Variants in CEP192 observed in about 807,000 individuals in gnomAD.
The protein encoded by CEP192 is centrosomal protein of 192 kDa.
CEP192 carries 151 observed loss-of-function variants against 271.8 expected under a neutral mutation model. The observed-to-expected ratio is 0.56, with a 90% CI of 0.49 to 0.64. CEP192 has a LOEUF of 0.64. CEP192 is among the 30% of genes least tolerant of loss of function. The probability of loss-of-function intolerance (pLI) is 0.00; values close to 1 mark genes in which losing one functional copy is unlikely to be tolerated. For missense variants in CEP192, 2,910 were observed against 3,020.5 expected (o/e 0.96, Z 0.86); for synonymous variants, 995 against 1,076.5 (o/e 0.92, Z 1.48).
At chr18:12,997,467 A>G (rs907203907) in intron 1 of CEP192, among the ~76,000 whole-genome samples, 5 of 152,202 alleles carry the variant, frequency 3.3e-5, no homozygotes, top group African/African-American at 1.2e-4. Flanking sequence ...CTTACTTTCC[A>G]AGGAAAAAAT....
rs1416864670 is a variant in CEP192, at chr18:13,068,955, A to G, written c.4926A>G (p.Ala1642=). 6.2e-7 allele frequency: 1 copy of G among 1,614,218 alleles called. No homozygotes were observed. Among genetic ancestry groups the G allele is most frequent in the Non-Finnish European group, 8.5e-7 (1 of 1,180,030 alleles). The change falls in exon 25 of 45, where the codon GCA becomes GCG. Residue 1642 remains alanine (A), a synonymous_variant. Transcript: ENST00000506447. The stretch of plus-strand genomic sequence containing the variant: ...GAAGTGTGAGTCTCCGAGCAAGAGC[A>G]GGAATAGCTAGGATCCATGCTCCCA... ...VLRSVSLRAR[A]GIARIHAPRD... is the part of the protein sequence containing the mutation.
intron 7 of CEP192, 99 bp from the exon 8 acceptor site, chr18:13,018,381 A>G: frequency 4.4e-6 from 3 of 689,146 alleles, no homozygotes; most frequent in Admixed American, 3.4e-5. Flanking sequence ...TTCCTTCTAC[A>G]CTTATTTTCT....
chr18:13,072,225 C>T (rs553580633), intron 28 of CEP192, among the ~76,000 whole-genome samples: 21 of 152,296 alleles, frequency 1.4e-4, no homozygotes, highest in Admixed American at 1.0e-3. Context: ...ATAGTTTCCA[C>T]AATTGAAGTG....
intron 40 of CEP192, among the ~76,000 whole-genome samples, chr18:13,107,693 T>C (rs1320691769): frequency 4.6e-5 from 7 of 152,200 alleles, no homozygotes; most frequent in Non-Finnish European, 1.0e-4. Flanking sequence ...CTATTCTGAA[T>C]GACAAGGACT....
chr18:13,019,003 T>G, intron 8 of CEP192, 79 bp from the exon 9 acceptor site: 1 of 1,338,740 alleles, frequency 7.5e-7, no homozygotes, highest in Non-Finnish European at 1.0e-6. Context: ...TAAAATAATT[T>G]GACTGGCAAG....
chr18:13,086,407 C>A (rs1297377610), intron 30 of CEP192, among the ~76,000 whole-genome samples: 2 of 152,192 alleles, frequency 1.3e-5, no homozygotes, highest in African/African-American at 4.8e-5. Context: ...GCCAAAACTT[C>A]CAATACTGTG....
Position 13,030,495 on chromosome 18 carries a change from A to G in CEP192, c.1421A>G (p.Gln474Arg). 5 of 1,611,608 alleles carry G rather than the reference A, an allele frequency of 3.1e-6. No homozygotes were observed. Among genetic ancestry groups the G allele is most frequent in the Non-Finnish European group, 4.2e-6 (5 of 1,178,814 alleles). ...GATCTCCCACAGAGTGTGGTCTATC[A>G]AAATGAAGAGGGTAGGTGGGTCACA... ...KTDLPQSVVY[Q>R]NEEGRWVTDL... The change falls in exon 11 of 45, where the codon CAA becomes CGA. Residue 474 changes from glutamine to arginine, a missense_variant. Transcript: ENST00000506447.
chr18:13,067,814 C>CT lies in CEP192; in HGVS notation c.4489-10dup. On this transcript the variant is annotated splice_polypyrimidine_tract_variant and intron_variant, in intron 21 of 44. Coordinates refer to ENST00000506447, the MANE Select transcript of CEP192 (RefSeq NM_032142.4). ...TATATTGCTTTTCATAAATCATTCC[C>CT]TTTTTTTGATAATTAGGTAGAAACA... is the stretch of plus-strand genomic sequence containing the variant. 4.4e-6 allele frequency: 7 copies of CT among 1,593,348 alleles called. No homozygotes were observed. The highest frequency in any genetic ancestry group is 1.1e-5 in the South Asian group (1 of 90,242).
Position 13,099,564 on chromosome 18 carries a change from T to G in CEP192, c.6646T>G (p.Cys2216Gly). 1 of 1,565,564 alleles carries G rather than the reference T, an allele frequency of 6.4e-7. No individual in the cohort carries two copies. ...GTGGAGTGGTTTGATCTATATACAC[T>G]GTGACGATGGACAGAAGGTACTTTT... ...FPWSGLIYIH[C>G]DDGQKKIVKV... The change falls in exon 37 of 45, where the codon TGT becomes GGT. Residue 2216 changes from cysteine to glycine, a missense_variant. Transcript: ENST00000506447.
intron 10 of CEP192, among the ~76,000 whole-genome samples, 169 bp downstream of exon 10, chr18:13,030,171 G>C (rs1463711087): frequency 1.3e-5 from 2 of 152,128 alleles, no homozygotes; most frequent in Non-Finnish European, 2.9e-5. Context: ...GCTCAGAAAT[G>C]GTATCTTTTC....
In CEP192 at chr18:13,071,206, G is replaced by C. The variant is rs1244845625; in HGVS notation, c.5342G>C (p.Arg1781Thr). Residue 1781 changes from arginine to threonine, a missense_variant, in exon 28 of 45, where the codon AGA (arginine) becomes ACA (threonine). Transcript: ENST00000506447. ...FLAWGGVPLG[R>T]TQLQKLALRN... is the part of the protein sequence containing the mutation. ...GCTTGGGGAGGAGTCCCTCTAGGTA[G>C]AACACAGTAAGTGTCAAAGACTGAC... The C allele has an allele frequency of 2.5e-6, 4 of 1,612,926 alleles. No homozygotes were observed. Among genetic ancestry groups the C allele is most frequent in the Non-Finnish European group, 3.4e-6 (4 of 1,179,264 alleles).
At chr18:13,076,197 C>CGGTGT (rs1268890582) in intron 30 of CEP192, among the ~76,000 whole-genome samples, 1 of 152,054 alleles carries the variant, frequency 6.6e-6, no homozygotes, top group African/African-American at 2.4e-5. Flanking sequence ...TGTGGATTTA[C>CGGTGT]GGTGTTAGAT....
chr18:13,058,842 CTTG>C lies in CEP192; in HGVS notation c.4258-239_4258-237del. The C allele has an allele frequency of 3.8e-5, 20 of 519,924 alleles. No individual in the cohort carries two copies. The South Asian group carries it at 4.2e-4, about 11-fold the overall frequency. The allele number at this position is 519,924 out of a possible 1,614,324, so 32.2% of individuals were successfully genotyped here. On this transcript the variant is annotated intron_variant, in intron 20 of 44. Transcript: ENST00000506447. Reference sequence around the variant, plus strand: ...ACAAGTGAGTGTAAGGGTCAATGTGCTTGCTTGGAGGTGGACTGGGGAGACAGC... The same window carrying C: ...ACAAGTGAGTGTAAGGGTCAATGTGCCTTGGAGGTGGACTGGGGAGACAGC...
At chr18:13,109,727 A>C (rs1441563941) in intron 40 of CEP192, among the ~76,000 whole-genome samples, 1 of 152,020 alleles carries the variant, frequency 6.6e-6, no homozygotes, top group East Asian at 1.9e-4. Context: ...AGTAAAATTA[A>C]AGAAATGAGA....
intron 34 of CEP192, among the ~76,000 whole-genome samples, chr18:13,095,024 T>A (rs949591293): frequency 1.3e-5 from 2 of 152,192 alleles, no homozygotes; most frequent in Non-Finnish European, 2.9e-5. Context: ...CCCACCCCTG[T>A]CACCCCTATA....
chr18:13,104,267 G>A (rs1382948604), intron 39 of CEP192, among the ~76,000 whole-genome samples: 2 of 152,204 alleles, frequency 1.3e-5, no homozygotes, highest in African/African-American at 4.8e-5. Context: ...TTCCCAGCCA[G>A]CGGTGCAGGA....
At chr18:13,057,787 CT>C in intron 20 of CEP192, 54 bp downstream of exon 20, 1 of 1,543,692 alleles carries the variant, frequency 6.5e-7, no homozygotes, top group Non-Finnish European at 8.9e-7. Context: ...TGATTAGGTG[CT>C]TGATTTCCCC....
intron 17 of CEP192, among the ~76,000 whole-genome samples, chr18:13,052,005 T>C (rs1223383855): frequency 6.6e-6 from 1 of 152,108 alleles, no homozygotes; most frequent in African/African-American, 2.4e-5. Context: ...GTGTGGAGAC[T>C]GTTTCCAAAT....
chr18:13,085,167 C>T (rs1345709075), intron 30 of CEP192, among the ~76,000 whole-genome samples: 1 of 151,974 alleles, frequency 6.6e-6, no homozygotes, highest in Non-Finnish European at 1.5e-5. Flanking sequence ...AGCTTTTTTT[C>T]ACGTTTGTTG....
Sources: gnomAD v4.1 joint callset for allele counts (sites outside exome capture counted in the v4.1 genomes callset) on GRCh38, gnomAD v4.1.1 for gene constraint, MANE v1.5 for transcripts, NCBI Gene and HGNC (gene_info 2026-07-23, HGNC 2026-07-21) for gene names.